The following SLC35F3 variants were observed in gnomAD, a reference collection of about 807,000 sequenced individuals.
SLC35F3 encodes the protein putative thiamine transporter SLC35F3.
Under a neutral mutation model 49.9 loss-of-function variants are expected in SLC35F3, and 25 were observed. The observed-to-expected ratio is 0.50, with a 90% CI of 0.37 to 0.70. SLC35F3 has a LOEUF of 0.70. Ranked by LOEUF, SLC35F3 falls within the 30% of genes least tolerant of loss-of-function variation. SLC35F3 has a pLI of 0.00. For synonymous variants in SLC35F3, 275 were observed against 265.4 expected (o/e 1.04, Z -0.35); for missense variants, 525 against 639.8 (o/e 0.82, Z 1.94).
chr1:233,953,335 T>G (rs1662640280), intron 2 of SLC35F3, among the ~76,000 whole-genome samples: 1 of 152,172 alleles, frequency 6.6e-6, no homozygotes, highest in Admixed American at 6.5e-5. Context: ...TGAGACATAA[T>G]AAACGGGACT....
chr1:234,260,481 T>C (rs1460971904), intron 3 of SLC35F3, among the ~76,000 whole-genome samples: 3 of 152,216 alleles, frequency 2.0e-5, no homozygotes, highest in African/African-American at 7.2e-5. Flanking sequence ...TTTCTCTATA[T>C]GAGTTCTGCT....
chr1:234,155,782 C>CAAAAA (rs59089092), intron 2 of SLC35F3, among the ~76,000 whole-genome samples: 17,863 of 142,330 alleles, frequency 0.13, 2,812 homozygotes, highest in East Asian at 0.81. Context: ...CACAATATAC[C>CAAAAA]AAAAAAAAAA....
At chr1:234,188,822 G>C (rs1314074058) in intron 2 of SLC35F3, among the ~76,000 whole-genome samples, 1 of 152,010 alleles carries the variant, frequency 6.6e-6, no homozygotes, top group Non-Finnish European at 1.5e-5. Flanking sequence ...ACCGCCACTG[G>C]AGCAAGTGCT....
chr1:234,077,985 T>C (rs1221527263), intron 2 of SLC35F3, among the ~76,000 whole-genome samples: 1 of 152,058 alleles, frequency 6.6e-6, no homozygotes, highest in African/African-American at 2.4e-5. Flanking sequence ...CACCACTGAG[T>C]CTACAAACCT....
chr1:234,134,069 G>A (rs1300847118), intron 2 of SLC35F3, among the ~76,000 whole-genome samples: 2 of 152,146 alleles, frequency 1.3e-5, no homozygotes, highest in Non-Finnish European at 2.9e-5. Context: ...AGATAAGTTG[G>A]CTTTTTCAGA....
At chr1:234,020,391 T>C (rs1395113688) in intron 2 of SLC35F3, among the ~76,000 whole-genome samples, 2 of 152,182 alleles carry the variant, frequency 1.3e-5, no homozygotes, top group Non-Finnish European at 2.9e-5. Context: ...GATAAAAACA[T>C]AGACAGAGGC....
At chr1:233,967,818 C>T (rs1477250393) in intron 2 of SLC35F3, among the ~76,000 whole-genome samples, 2 of 152,248 alleles carry the variant, frequency 1.3e-5, no homozygotes, top group African/African-American at 2.4e-5. Flanking sequence ...AAAACAAAAA[C>T]GAAGTTATTT....
At chr1:233,979,066 CAAAACAAA>C (rs1291483163) in intron 2 of SLC35F3, among the ~76,000 whole-genome samples, 2 of 148,410 alleles carry the variant, frequency 1.3e-5, no homozygotes, top group Non-Finnish European at 3.0e-5. Flanking sequence ...AAAAGCAAAA[CAAAACAAA>C]AAAACAAAAA....
chr1:234,306,805 A>C (rs1463997542), intron 3 of SLC35F3, among the ~76,000 whole-genome samples: 2 of 152,134 alleles, frequency 1.3e-5, no homozygotes, highest in African/African-American at 4.8e-5. Flanking sequence ...TGGAGGAGTC[A>C]AATATGGATT....
chr1:234,090,228 G>GC (rs1414667399), intron 2 of SLC35F3, among the ~76,000 whole-genome samples: 1 of 152,254 alleles, frequency 6.6e-6, no homozygotes, highest in Non-Finnish European at 1.5e-5. Flanking sequence ...TGTGCTATGT[G>GC]CCAGAGGCAC....
Position 234,255,576 on chromosome 1 carries a change from T to C in SLC35F3, c.608+23835T>C, listed in dbSNP as rs113335998. 6.5e-3 allele frequency among the ~76,000 whole-genome samples: 992 copies of C among 152,332 alleles called. 12 individuals carry two copies. The highest frequency in any genetic ancestry group is 0.022 in the African/African-American group (925 of 41,566). ...CAGATATTTATAGCAGCTTTATTCA[T>C]AATTGCCAAAAATTGGAAGAACCAA... On this transcript the variant is annotated intron_variant, in intron 3 of 7. Transcript: ENST00000366618.
chr1:234,154,790 C>T (rs1004321780), intron 2 of SLC35F3, among the ~76,000 whole-genome samples: 1 of 152,194 alleles, frequency 6.6e-6, no homozygotes. Flanking sequence ...TTACTCCAGC[C>T]TCCTTCAGGC....
chr1:233,905,202 A>T (rs1661752339), intron 1 of SLC35F3, 72 bp downstream of exon 1: 1 of 1,499,112 alleles, frequency 6.7e-7, no homozygotes, highest in African/African-American at 1.4e-5. Context: ...AGCCCTTTGC[A>T]GCTGGGACAC....
intron 7 of SLC35F3, 124 bp from the exon 8 acceptor site, chr1:234,322,884 C>A: frequency 1.3e-6 from 1 of 762,408 alleles, no homozygotes; most frequent in Non-Finnish European, 2.2e-6. Flanking sequence ...TGAGGAGAAT[C>A]CTGTGGTCCA....
chr1:234,306,947 A>G (rs1485019078), intron 3 of SLC35F3, among the ~76,000 whole-genome samples: 1 of 152,104 alleles, frequency 6.6e-6, no homozygotes, highest in African/African-American at 2.4e-5. Flanking sequence ...AGAAAGGGAA[A>G]CCTCTAAGTA....
intron 2 of SLC35F3, among the ~76,000 whole-genome samples, chr1:234,172,755 G>A (rs1206311090): frequency 4.6e-5 from 7 of 152,152 alleles, no homozygotes; most frequent in Admixed American, 4.6e-4. Flanking sequence ...GTAACACAAT[G>A]GCAAGTATTT....
chr1:234,169,806 C>G (rs113198584), intron 2 of SLC35F3, among the ~76,000 whole-genome samples: 4 of 152,072 alleles, frequency 2.6e-5, no homozygotes, highest in Admixed American at 2.0e-4. Flanking sequence ...CTCACTCTGT[C>G]TCCCAGGCTG....
chr1:234,266,873 G>GTTTTTTTTTT (rs34040004), intron 3 of SLC35F3, among the ~76,000 whole-genome samples: 6 of 108,644 alleles, frequency 5.5e-5, no homozygotes, highest in Non-Finnish European at 7.2e-5. Flanking sequence ...GAAGCACATG[G>GTTTTTTTTTT]TTTTTTTTTT....
At chr1:234,126,691 C>A (rs975145202) in intron 2 of SLC35F3, among the ~76,000 whole-genome samples, 1 of 151,992 alleles carries the variant, frequency 6.6e-6, no homozygotes, top group Non-Finnish European at 1.5e-5. Context: ...TCTTTTCTTT[C>A]TTTCTTTCTT....
Sources: allele counts gnomAD v4.1 joint callset (sites outside exome capture counted in the v4.1 genomes callset), GRCh38; gene constraint gnomAD v4.1.1; transcripts MANE v1.5; gene names NCBI Gene and HGNC (gene_info 2026-07-23, HGNC 2026-07-21).